Variants in C3 observed in about 807,000 individuals in gnomAD.
The protein encoded by C3 is complement C3.
In C3, 97 loss-of-function variants were observed where a neutral mutation model predicts 207.9. The observed-to-expected ratio is 0.47, with a 90% CI of 0.40 to 0.55. The LOEUF (loss-of-function observed/expected upper bound fraction) is 0.55, where lower values mean the gene tolerates loss of function less well. Ranked by LOEUF, C3 falls within the 20% of genes least tolerant of loss-of-function variation. The probability of loss-of-function intolerance (pLI) is 0.00; values close to 1 mark genes in which losing one functional copy is unlikely to be tolerated. For missense variants in C3, 1,684 were observed against 2,171.7 expected (o/e 0.78, Z 4.46); for synonymous variants, 848 against 857.6 (o/e 0.99, Z 0.20).
At position 6,678,393 on chromosome 19, in the gene C3, T is replaced by C. The variant is rs1269171036; in HGVS notation, c.4693A>G (p.Ile1565Val). The stretch of plus-strand genomic sequence containing the variant: ...TGACCTGACTTGATGGTCTGCTCAA[T>C]GGCCATGATGTACTCGTCAAAGTCA... ...SNDFDEYIMA[I>V]EQTIKSGSDE... Residue 1565 changes from isoleucine to valine, a missense_variant, in exon 39 of 41, where the codon ATT becomes GTT. Coordinates refer to ENST00000245907, the MANE Select transcript of C3 (RefSeq NM_000064.4). 1 of 1,614,032 alleles carries C rather than the reference T, an allele frequency of 6.2e-7. No individual in the cohort carries two copies. The highest frequency in any genetic ancestry group is 8.5e-7 in the Non-Finnish European group (1 of 1,180,020).
Position 6,682,651 on chromosome 19 carries a change from T to C in C3, c.4173-422A>G, listed in dbSNP as rs1917895019. On this transcript the variant is annotated intron_variant, in intron 33 of 40. Coordinates refer to ENST00000245907, the MANE Select transcript of C3 (RefSeq NM_000064.4). ...GTAGTTGCATATGGTATAAACTTTG[T>C]TGCTAACTCTTCAGTCTAGAAATCA... 1.8e-5 allele frequency: 4 copies of C among 221,296 alleles called. No individual in the cohort carries two copies. In the South Asian group the frequency reaches 1.9e-4, roughly 11 times the overall value. 13.7% of individuals were successfully genotyped at this position (221,296 alleles called of 1,614,324 possible). A position where few individuals can be genotyped will look rare whatever the true frequency, so the allele number is the denominator to read the frequency against.
chr19:6,693,249 C>T (rs896517467), intron 25 of C3, among the ~76,000 whole-genome samples, 163 bp downstream of exon 25: 23 of 152,216 alleles, frequency 1.5e-4, no homozygotes, highest in African/African-American at 5.3e-4. Context: ...CTTAAGGATG[C>T]TTAATGACCG....
intron 28 of C3, 61 bp from the exon 29 acceptor site, chr19:6,686,348 G>A: frequency 1.9e-6 from 3 of 1,585,696 alleles, no homozygotes; most frequent in Non-Finnish European, 2.6e-6. Flanking sequence ...GGATGGCTCA[G>A]AGAAAGCTCA....
At chr19:6,697,844 AG>A in intron 19 of C3, 50 bp from the exon 20 acceptor site, 1 of 1,580,588 alleles carries the variant, frequency 6.3e-7, no homozygotes. Context: ...GGAGTGGACA[AG>A]GCCAGGCTCC....
intron 36 of C3, among the ~76,000 whole-genome samples, chr19:6,679,768 A>T (rs1392655087): frequency 6.6e-6 from 1 of 151,818 alleles, no homozygotes; most frequent in East Asian, 1.9e-4. Context: ...CAACCCTCAT[A>T]TATCTAGAAT....
Position 6,720,542 on chromosome 19 carries a change from G to T in C3, c.48C>A (p.His16Gln), listed in dbSNP as rs184455094. The T allele has an allele frequency of 7.4e-5, 118 of 1,594,694 alleles. No homozygotes were observed. In the East Asian group the frequency reaches 2.6e-3, roughly 35 times the overall value. Residue 16 changes from histidine to glutamine, a missense_variant, in exon 1 of 41, where the codon CAC (histidine) becomes CAA (glutamine). By Grantham distance (24) the His-to-Gln change is conservative. Transcript: ENST00000245907. ...GPSLLLLLLT[H>Q]LPLALGSPMY... ...TGGGACTCCCCAGAGCCAGGGGGAG[G>T]TGGGTTAGTAGCAGGAGCAGCAGGC...
chr19:6,700,270 G>A (rs182712580), intron 19 of C3, among the ~76,000 whole-genome samples: 25 of 66,168 alleles, frequency 3.8e-4, no homozygotes, highest in African/African-American at 2.2e-3. Flanking sequence ...TATGTAATAT[G>A]CAACATATAA....
chr19:6,708,383 T>C (rs1045468592), intron 14 of C3, among the ~76,000 whole-genome samples: 16 of 152,130 alleles, frequency 1.1e-4, no homozygotes, highest in African/African-American at 3.9e-4. Flanking sequence ...ATGATTCGCC[T>C]GTCTTGGCCT....
intron 13 of C3, 62 bp downstream of exon 13, chr19:6,710,576 GA>G: frequency 2.6e-6 from 2 of 759,690 alleles, no homozygotes; most frequent in South Asian, 4.8e-5. Context: ...GAGACAGGGA[GA>G]GAGAGAGAGA....
At position 6,706,140 on chromosome 19, in the gene C3, T is replaced by A. The variant is rs1372112318; in HGVS notation, c.2245+936A>T. ...GGTCTTTCTGGAATGCCACACAAAT[T>A]AGTTTTCTCTGGTGAAGCCAAACTT... is the stretch of plus-strand genomic sequence containing the variant. On this transcript the variant is annotated intron_variant, in intron 17 of 40. Transcript: ENST00000245907. Among the ~76,000 whole-genome samples, 6 of 152,204 alleles carry A rather than the reference T, an allele frequency of 3.9e-5. No homozygotes were observed. In the East Asian group the frequency reaches 1.2e-3, roughly 29 times the overall value.
rs752251561 is a variant in C3, at chr19:6,712,419, G to A, written c.1120-13C>T. On this transcript the variant is annotated splice_polypyrimidine_tract_variant and intron_variant, in intron 10 of 40. Coordinates refer to ENST00000245907, the MANE Select transcript of C3 (RefSeq NM_000064.4). ...TCGTCACGAACACCTGTGATGTGGG[G>A]TGCAGGTGGGGGAAGTTCAGGCAGG... 6.2e-7 allele frequency: 1 copy of A among 1,614,190 alleles called. No homozygotes were observed. Among genetic ancestry groups the A allele is most frequent in the Non-Finnish European group, 8.5e-7 (1 of 1,180,012 alleles).
chr19:6,686,628 C>T, intron 28 of C3, 118 bp downstream of exon 28: 1 of 1,088,702 alleles, frequency 9.2e-7, no homozygotes, highest in Non-Finnish European at 1.4e-6. Flanking sequence ...CTATCCATCT[C>T]AGCTTGGCTT....
In C3 at chr19:6,710,847, T is replaced by C; in HGVS notation, c.1480-2A>G. On this transcript the variant is annotated splice_acceptor_variant, in intron 12 of 40. Transcript: ENST00000245907. LOFTEE classifies it high-confidence loss of function. ...CAACAGCCTGCCCTTGTTCATGATC[T>C]GGGGGGACAGGCTGGCATCAGGCTG... The C allele has an allele frequency of 1.2e-6, 2 of 1,613,046 alleles. No individual in the cohort carries two copies. Among genetic ancestry groups the C allele is most frequent in the Non-Finnish European group, 1.7e-6 (2 of 1,179,274 alleles).
At chr19:6,679,294 AC>A in intron 37 of C3, 86 bp from the exon 38 acceptor site, 1 of 1,461,582 alleles carries the variant, frequency 6.8e-7, no homozygotes. Flanking sequence ...CTGGGAGCCT[AC>A]CCCCCTTGGT....
rs775375924 is a variant in C3, at chr19:6,686,954, T to C, written c.3490-52A>G. 4 of 1,576,328 alleles carry C rather than the reference T, an allele frequency of 2.5e-6. No individual in the cohort carries two copies. The Admixed American group carries it at 5.0e-5, about 20-fold the overall frequency. On this transcript the variant is annotated intron_variant, in intron 27 of 40. Transcript: ENST00000245907. The stretch of plus-strand genomic sequence containing the variant: ...GGTCATGTGGGCATTGCTGTCACGT[T>C]AGTAAGGATCATTCGAGCAGCACTT...
intron 7 of C3, 101 bp downstream of exon 7, chr19:6,713,891 C>T (rs1406279622): frequency 2.3e-6 from 1 of 439,192 alleles, no homozygotes; most frequent in South Asian, 1.7e-5. Flanking sequence ...CCCACCTGGT[C>T]CCATCTCCAG....
rs756063740 is a variant in C3 at position 6,678,491 on chromosome 19, T to A, written c.4631-36A>T. The A allele has an allele frequency of 3.8e-5, 60 of 1,590,020 alleles. No individual in the cohort carries two copies. In the Admixed American group the frequency reaches 9.5e-4, roughly 25 times the overall value. ...GAGGCAGACAGTTTGGGTGGTGGGC[T>A]AGGTTGACCATGAGGGGCACCCTGG... On this transcript the variant is annotated intron_variant, in intron 38 of 40. Transcript: ENST00000245907.
intron 27 of C3, 38 bp downstream of exon 27, chr19:6,690,591 G>T: frequency 6.5e-7 from 1 of 1,536,718 alleles, no homozygotes; most frequent in Non-Finnish European, 9.0e-7. Context: ...TCTGCATCGG[G>T]TAAGGTAGGG....
rs142290953 is a variant in C3 at position 6,710,758 on chromosome 19, T to C, written c.1567A>G (p.Thr523Ala). ...DLVVLPLSITTDFIPSFRLVA... is the reference protein window; with the variant it reads ...DLVVLPLSITADFIPSFRLVA... Reference sequence around the variant, plus strand: ...AGGCGGAAGGAAGGGATGAAGTCGGTGGTGATGGACAGGGGCAGCACCACC... The same window carrying C: ...AGGCGGAAGGAAGGGATGAAGTCGGCGGTGATGGACAGGGGCAGCACCACC... The change falls in exon 13 of 41, where the codon ACC becomes GCC. Residue 523 changes from threonine to alanine, a missense_variant. This residue lies in a region of C3 where 1,280 missense variants were observed against 1,739.1 expected (regional missense o/e 0.74). Coordinates refer to ENST00000245907, the MANE Select transcript of C3 (RefSeq NM_000064.4). 1.9e-6 allele frequency: 3 copies of C among 1,613,636 alleles called. No individual in the cohort carries two copies. Among genetic ancestry groups the C allele is most frequent in the African/African-American group, 2.7e-5 (2 of 74,898 alleles).
Sources: gnomAD v4.1 joint callset for allele counts (sites outside exome capture counted in the v4.1 genomes callset) on GRCh38, gnomAD v4.1.1 for gene constraint, gnomAD v4.1.1 regional missense constraint, MANE v1.5 for transcripts, NCBI Gene and HGNC (gene_info 2026-07-23, HGNC 2026-07-21) for gene names.